Variants in AP3B1 observed in about 807,000 individuals in gnomAD.
The protein encoded by AP3B1 is AP-3 complex subunit beta-1.
AP3B1 carries 61 observed loss-of-function variants against 132.5 expected under a neutral mutation model. That is an observed-to-expected ratio of 0.46 (90% confidence interval 0.37 to 0.57). AP3B1 has a LOEUF of 0.57. Ranked by LOEUF, AP3B1 falls within the 20% of genes least tolerant of loss-of-function variation. The probability of loss-of-function intolerance (pLI) is 0.00; values close to 1 mark genes in which losing one functional copy is unlikely to be tolerated. For missense variants in AP3B1, 1,120 were observed against 1,289.4 expected (o/e 0.87, Z 2.01); for synonymous variants, 388 against 438.3 (o/e 0.89, Z 1.43).
At chr5:78,068,358 A>AAGGAGG (rs1554062239) in intron 22 of AP3B1, among the ~76,000 whole-genome samples, 2 of 150,952 alleles carry the variant, frequency 1.3e-5, no homozygotes, top group African/African-American at 4.9e-5. Context: ...AAGAAGAAGA[A>AAGGAGG]AGAAGGAGAA....
intron 22 of AP3B1, among the ~76,000 whole-genome samples, chr5:78,051,678 T>C (rs561199361): frequency 6.6e-6 from 1 of 152,280 alleles, no homozygotes; most frequent in East Asian, 1.9e-4. Flanking sequence ...TTAAGTATTA[T>C]CAATCCATTC....
chr5:78,123,533 C>T (rs28833541), intron 17 of AP3B1, among the ~76,000 whole-genome samples: 33,939 of 151,680 alleles, frequency 0.22, 4,626 homozygotes, highest in South Asian at 0.36. Flanking sequence ...AAAAAGTGGG[C>T]GAAGGATGTG....
intron 19 of AP3B1, 27 bp downstream of exon 19, chr5:78,113,725 G>T (rs766717306): frequency 3.7e-6 from 6 of 1,611,332 alleles, no homozygotes; most frequent in Non-Finnish European, 3.4e-6. Context: ...AATATTTTTT[G>T]AAGGAAATTC....
intron 19 of AP3B1, among the ~76,000 whole-genome samples, chr5:78,113,487 C>A (rs535600304): frequency 6.6e-5 from 10 of 152,308 alleles, no homozygotes; most frequent in Non-Finnish European, 1.5e-4. Flanking sequence ...ATACCTATTG[C>A]TTGATCACTT....
At chr5:78,242,146 A>G (rs1350816946) in intron 2 of AP3B1, among the ~76,000 whole-genome samples, 1 of 152,202 alleles carries the variant, frequency 6.6e-6, no homozygotes, top group Non-Finnish European at 1.5e-5. Flanking sequence ...TGGAGTCCAA[A>G]TGATTTTATG....
At chr5:78,059,418 T>C (rs1163622168) in intron 22 of AP3B1, among the ~76,000 whole-genome samples, 3 of 152,220 alleles carry the variant, frequency 2.0e-5, no homozygotes, top group African/African-American at 7.2e-5. Flanking sequence ...TGGAAACTAA[T>C]AAAGGTAACT....
intron 18 of AP3B1, among the ~76,000 whole-genome samples, chr5:78,115,233 T>A (rs559555202): frequency 6.6e-6 from 1 of 152,150 alleles, no homozygotes; most frequent in Non-Finnish European, 1.5e-5. Context: ...GATTAATTTA[T>A]CAGATACTAA....
chr5:78,014,037 C>T (rs1355986853), intron 26 of AP3B1, among the ~76,000 whole-genome samples: 4 of 152,124 alleles, frequency 2.6e-5, no homozygotes, highest in African/African-American at 7.2e-5. Context: ...GTGCCGGGTG[C>T]CTGTAGTCCC....
At chr5:78,007,202 A>T (rs553013783) in intron 26 of AP3B1, among the ~76,000 whole-genome samples, 3 of 152,226 alleles carry the variant, frequency 2.0e-5, no homozygotes, top group African/African-American at 7.2e-5. Context: ...GTACAGCATG[A>T]ATTTAAAAGT....
chr5:78,101,455 T>A (rs1751122852), intron 20 of AP3B1: 1 of 329,244 alleles, frequency 3.0e-6, no homozygotes, highest in South Asian at 2.7e-5. Flanking sequence ...AGGTCAGCCT[T>A]TTCTGATATA....
At chr5:78,121,711 C>G (rs558390277) in intron 17 of AP3B1, 94 of 152,322 alleles carry the variant, frequency 6.2e-4, no homozygotes, top group African/African-American at 2.1e-3. Context: ...CAGTAGCTTA[C>G]CAACCAAAAA....
At chr5:78,068,488 A>G (rs1205454501) in intron 22 of AP3B1, among the ~76,000 whole-genome samples, 1 of 152,206 alleles carries the variant, frequency 6.6e-6, no homozygotes, top group Non-Finnish European at 1.5e-5. Context: ...AGAGACTACT[A>G]TAAGCACCTC....
At chr5:78,219,999 A>AT (rs1323367768) in intron 6 of AP3B1, among the ~76,000 whole-genome samples, 2 of 152,082 alleles carry the variant, frequency 1.3e-5, no homozygotes, top group Non-Finnish European at 2.9e-5. Context: ...TAACTGGGAG[A>AT]TTTTTTAAAT....
chr5:78,101,442 G>T, intron 20 of AP3B1: 1 of 358,972 alleles, frequency 2.8e-6, no homozygotes, highest in East Asian at 8.7e-5. Flanking sequence ...ATGGGCTTGT[G>T]ATAGGTCAGC....
chr5:78,089,403 G>T lies in AP3B1; in HGVS notation c.2567C>A (p.Ser856Ter). 1 of 1,608,388 alleles carries T rather than the reference G, an allele frequency of 6.2e-7. No individual in the cohort carries two copies. Among genetic ancestry groups the T allele is most frequent in the South Asian group, 1.1e-5 (1 of 90,942 alleles). The change falls in exon 22 of 27, where the codon TCA becomes TAA. Residue 856 changes from serine to a stop codon, truncating the protein, a stop_gained. Transcript: ENST00000255194. LOFTEE classifies it high-confidence loss of function. ...LEGLHLSTSS[S>*]VISVSTPAFV... ...TTAAAAATAACTTACACTGATGACT[G>T]AAGAGGAAGTTGACAAGTGTAAACC...
chr5:78,248,813 T>C (rs565855930), intron 2 of AP3B1, among the ~76,000 whole-genome samples: 6 of 152,326 alleles, frequency 3.9e-5, no homozygotes, highest in Admixed American at 2.6e-4. Flanking sequence ...TTTCAATGGA[T>C]ATAGAGTTCT....
intron 22 of AP3B1, among the ~76,000 whole-genome samples, chr5:78,063,629 T>C (rs1336011215): frequency 1.3e-5 from 2 of 152,208 alleles, no homozygotes; most frequent in Admixed American, 6.5e-5. Flanking sequence ...AATTCTTAAA[T>C]AGTATATGGC....
intron 21 of AP3B1, among the ~76,000 whole-genome samples, chr5:78,095,744 C>T (rs1158617859): frequency 7.2e-5 from 11 of 152,182 alleles, no homozygotes; most frequent in Admixed American, 7.2e-4. Flanking sequence ...ACAGCACCTA[C>T]TAAAGTACCT....
intron 6 of AP3B1, among the ~76,000 whole-genome samples, chr5:78,220,385 C>T (rs1273566390): frequency 4.6e-5 from 7 of 150,756 alleles, no homozygotes; most frequent in Non-Finnish European, 8.9e-5. Flanking sequence ...ATCTCTAAAC[C>T]TCAAATTATA....
Sources: gnomAD v4.1 joint callset for allele counts (sites outside exome capture counted in the v4.1 genomes callset) on GRCh38, gnomAD v4.1.1 for gene constraint, MANE v1.5 for transcripts, NCBI Gene and HGNC (gene_info 2026-07-23, HGNC 2026-07-21) for gene names.